The following FAM171A1 variants were observed in gnomAD, a reference collection of about 807,000 sequenced individuals.
FAM171A1 encodes the protein protein FAM171A1.
Under a neutral mutation model 74.9 loss-of-function variants are expected in FAM171A1, and 23 were observed. The observed-to-expected ratio is 0.31, with a 90% confidence interval of 0.22 to 0.44. The LOEUF (loss-of-function observed/expected upper bound fraction) is 0.44. Ranked by LOEUF, FAM171A1 falls within the 20% of genes least tolerant of loss-of-function variation. FAM171A1 has a pLI of 1.00. For synonymous variants in FAM171A1, 527 were observed against 505.7 expected (o/e 1.04, Z -0.57); for missense variants, 1,162 against 1,159.2 (o/e 1.00, Z -0.03).
chr10:15,289,180 T>C (rs1261229024), intron 1 of FAM171A1, among the ~76,000 whole-genome samples: 1 of 152,150 alleles, frequency 6.6e-6, no homozygotes, highest in African/African-American at 2.4e-5. Flanking sequence ...ACACTGAGAA[T>C]GGGACTCTCC....
chr10:15,340,847 G>A (rs4750623), intron 1 of FAM171A1, among the ~76,000 whole-genome samples: 149,797 of 152,242 alleles, frequency 0.98, 73,737 homozygotes, highest in Middle Eastern at 1. Flanking sequence ...GTGAGCCCAG[G>A]GGAAAGAATG....
At chr10:15,319,374 C>G (rs779253168) in intron 1 of FAM171A1, among the ~76,000 whole-genome samples, 20 of 152,082 alleles carry the variant, frequency 1.3e-4, no homozygotes, top group Non-Finnish European at 2.6e-4. Flanking sequence ...TTTGGGGACT[C>G]AGAGGGAAGG....
At chr10:15,226,500 G>A (rs1399398221) in intron 5 of FAM171A1, among the ~76,000 whole-genome samples, 3 of 152,096 alleles carry the variant, frequency 2.0e-5, no homozygotes, top group Admixed American at 2.0e-4. Context: ...GCAAAGAGAC[G>A]TCCCCCCAAT....
chr10:15,225,096 C>T (rs1169615558), intron 5 of FAM171A1, among the ~76,000 whole-genome samples: 1 of 152,212 alleles, frequency 6.6e-6, no homozygotes, highest in Non-Finnish European at 1.5e-5. Flanking sequence ...CACACGTTGC[C>T]TTCCGTGGCT....
At chr10:15,339,047 C>T (rs959290351) in intron 1 of FAM171A1, among the ~76,000 whole-genome samples, 34 of 152,240 alleles carry the variant, frequency 2.2e-4, no homozygotes, top group African/African-American at 7.7e-4. Flanking sequence ...CCCTGGATTA[C>T]AGTTTTGAGG....
intron 6 of FAM171A1, among the ~76,000 whole-genome samples, chr10:15,217,526 C>A (rs1323461186): frequency 6.6e-6 from 1 of 152,130 alleles, no homozygotes; most frequent in East Asian, 1.9e-4. Flanking sequence ...ACAAGAAACA[C>A]CATTCTCTTT....
intron 1 of FAM171A1, among the ~76,000 whole-genome samples, chr10:15,331,918 C>T (rs1193897394): frequency 9.6e-6 from 1 of 103,870 alleles, no homozygotes; most frequent in Non-Finnish European, 2.2e-5. Context: ...GATTCAAGAC[C>T]TGAGGTATTA....
chr10:15,293,192 C>G (rs568749707), intron 1 of FAM171A1, among the ~76,000 whole-genome samples: 28 of 152,294 alleles, frequency 1.8e-4, no homozygotes, highest in Non-Finnish European at 3.8e-4. Context: ...AATGTAGATG[C>G]TGAATTAATC....
At position 15,251,652 on chromosome 10, in the gene FAM171A1, T is replaced by C. The variant is rs976580135; in HGVS notation, c.578-2837A>G. 2.6e-5 allele frequency among the ~76,000 whole-genome samples: 4 copies of C among 152,064 alleles called. No homozygotes were observed. In the South Asian group the frequency reaches 6.2e-4, roughly 24 times the overall value. On this transcript the variant is annotated intron_variant, in intron 4 of 7. Transcript: ENST00000378116. Reference sequence around the variant, plus strand: ...GAACTCCTGACCTCCCTCCCAGTGATCCACCCGCCTCGGCCTCCCAAAGTG... The same window carrying C: ...GAACTCCTGACCTCCCTCCCAGTGACCCACCCGCCTCGGCCTCCCAAAGTG...
chr10:15,226,289 G>A (rs1236746139), intron 5 of FAM171A1, among the ~76,000 whole-genome samples: 1 of 152,174 alleles, frequency 6.6e-6, no homozygotes, highest in Non-Finnish European at 1.5e-5. Flanking sequence ...CTATGGCTGG[G>A]CCTGTTACCG....
At chr10:15,324,275 G>C (rs922823829) in intron 1 of FAM171A1, among the ~76,000 whole-genome samples, 1 of 152,060 alleles carries the variant, frequency 6.6e-6, no homozygotes, top group Non-Finnish European at 1.5e-5. Flanking sequence ...AGGAAGACGG[G>C]GTGATTCAAG....
intron 3 of FAM171A1, among the ~76,000 whole-genome samples, chr10:15,268,152 C>G (rs139910482): frequency 6.6e-6 from 1 of 152,248 alleles, no homozygotes; most frequent in East Asian, 1.9e-4. Context: ...ACAGAAGCCA[C>G]CAGAGGCCCA....
chr10:15,248,107 A>G (rs1269627230), intron 5 of FAM171A1, among the ~76,000 whole-genome samples: 1 of 152,174 alleles, frequency 6.6e-6, no homozygotes, highest in Non-Finnish European at 1.5e-5. Flanking sequence ...GCTAACTTTT[A>G]GGGTGGTGTT....
At chr10:15,273,460 G>A (rs1009183030) in intron 3 of FAM171A1, among the ~76,000 whole-genome samples, 1 of 152,154 alleles carries the variant, frequency 6.6e-6, no homozygotes, top group African/African-American at 2.4e-5. Flanking sequence ...TTCTACAAGA[G>A]CTACAAAGAG....
At chr10:15,286,167 C>A in intron 1 of FAM171A1, among the ~76,000 whole-genome samples, 1 of 152,134 alleles carries the variant, frequency 6.6e-6, no homozygotes, top group East Asian at 1.9e-4. Flanking sequence ...GTAAACATTC[C>A]AACATGGTGC....
chr10:15,374,127 G>T (rs972706766), upstream of FAM171A1, among the ~76,000 whole-genome samples: 1 of 152,168 alleles, frequency 6.6e-6, no homozygotes, highest in Admixed American at 6.5e-5. Flanking sequence ...TGTTATTATC[G>T]TGTATAACAA....
At chr10:15,324,196 C>T (rs903132208) in intron 1 of FAM171A1, among the ~76,000 whole-genome samples, 1 of 152,164 alleles carries the variant, frequency 6.6e-6, no homozygotes, top group Non-Finnish European at 1.5e-5. Flanking sequence ...GAGAATTTAA[C>T]ACCAAGACAT....
At chr10:15,326,040 A>T (rs1835551234) in intron 1 of FAM171A1, among the ~76,000 whole-genome samples, 1 of 152,206 alleles carries the variant, frequency 6.6e-6, no homozygotes, top group Non-Finnish European at 1.5e-5. Context: ...GAAATCCATC[A>T]CGAACTGTTC....
chr10:15,252,040 T>A (rs1304771738), intron 4 of FAM171A1, among the ~76,000 whole-genome samples: 1 of 152,190 alleles, frequency 6.6e-6, no homozygotes, highest in Non-Finnish European at 1.5e-5. Context: ...TTCTACCAAC[T>A]TTTTGGAATT....
Sources: allele counts gnomAD v4.1 joint callset (sites outside exome capture counted in the v4.1 genomes callset), GRCh38; gene constraint gnomAD v4.1.1; transcripts MANE v1.5; gene names NCBI Gene and HGNC (gene_info 2026-07-23, HGNC 2026-07-21).